Variants in KRT81 observed in about 807,000 individuals in gnomAD.
The protein encoded by KRT81 is keratin, type II cuticular Hb1.
Under a neutral mutation model 35.8 loss-of-function variants are expected in KRT81, and 35 were observed. The observed-to-expected ratio is 0.98, with a 90% confidence interval of 0.75 to 1.30. The LOEUF is 1.30. Ranked by LOEUF, KRT81 falls within the 50% of genes most tolerant of loss-of-function variation. The pLI is 0.00. For missense variants in KRT81, 531 were observed against 577.4 expected (o/e 0.92, Z 0.82); for synonymous variants, 249 against 251.2 (o/e 0.99, Z 0.08).
At position 52,288,404 on chromosome 12, in the gene KRT81, G is replaced by A. The variant is rs1163189405; in HGVS notation, c.692C>T (p.Ala231Val). 6.2e-7 allele frequency: 1 copy of A among 1,614,038 alleles called. No individual in the cohort carries two copies. Among genetic ancestry groups the A allele is most frequent in the South Asian group, 1.1e-5 (1 of 91,082 alleles). Reference sequence around the variant, plus strand: ...CAGGAAGTCGATCTCCTGGATCAGGGCCTCCACGTTGGCCTCCAGGTCTGA... The same window carrying A: ...CAGGAAGTCGATCTCCTGGATCAGGACCTCCACGTTGGCCTCCAGGTCTGA... The part of the protein sequence containing the change: ...RKSDLEANVE[A>V]LIQEIDFLRR... The change falls in exon 4 of 9, where the codon GCC becomes GTC. Residue 231 changes from alanine to valine, a missense_variant. Ala to Val is a moderately conservative substitution (Grantham distance 64). Coordinates refer to ENST00000327741, the MANE Select transcript of KRT81 (RefSeq NM_002281.4).
Position 52,286,476 on chromosome 12 carries a change from C to T in KRT81, c.1297G>A (p.Gly433Ser). The T allele has an allele frequency of 6.4e-7, 1 of 1,552,460 alleles. No homozygotes were observed. The highest frequency in any genetic ancestry group is 8.7e-7 in the Non-Finnish European group (1 of 1,147,778). ...CAGAGGTCCCCGCACACGACCCCGC[C>T]CCGGGAGCTGCTGACACCTGTGAAC... Reference protein sequence around the residue: ...AVNVCVSSSRGGVVCGDLCVS... With the variant: ...AVNVCVSSSRSGVVCGDLCVS... The change falls in exon 9 of 9, where the codon GGC becomes AGC. Residue 433 changes from glycine to serine, a missense_variant. By Grantham distance (56) the Gly-to-Ser change is moderately conservative. Coordinates refer to ENST00000327741, the MANE Select transcript of KRT81 (RefSeq NM_002281.4).
Position 52,291,496 on chromosome 12 carries a change from C to G in KRT81, c.-31G>C. On this transcript the variant is annotated 5_prime_UTR_variant, in exon 1 of 9. Transcript: ENST00000327741. The stretch of plus-strand genomic sequence containing the variant: ...TCCTGGACGTTTGGGTTGCAGAGGA[C>G]AGGATAGGGGACCTGGAGTCCTGAT... 6.2e-7 allele frequency: 1 copy of G among 1,611,380 alleles called. No individual in the cohort carries two copies. The highest frequency in any genetic ancestry group is 8.5e-7 in the Non-Finnish European group (1 of 1,178,862).
chr12:52,288,053 C>A lies in KRT81; in HGVS notation c.831G>T (p.Glu277Asp). ...RDLNMDCIIA[E>D]IKAQYDDIVT... ...CAATGTCGTCATACTGTGCCTTAATCTCGGCAATGATGCAGTCCATGTTCA... is the reference window on the plus strand; with the variant it reads ...CAATGTCGTCATACTGTGCCTTAATATCGGCAATGATGCAGTCCATGTTCA... Residue 277 changes from glutamate to aspartate, a missense_variant, in exon 5 of 9, where the codon GAG (glutamate) becomes GAT (aspartate). Physicochemically the swap from Glu to Asp is conservative, Grantham distance 45 (BLOSUM62 2). Transcript: ENST00000327741. 1 of 1,614,226 alleles carries A rather than the reference C, an allele frequency of 6.2e-7. No individual in the cohort carries two copies. Among genetic ancestry groups the A allele is most frequent in the Non-Finnish European group, 8.5e-7 (1 of 1,180,038 alleles).
In KRT81 at chr12:52,287,010, C is replaced by T. The variant is rs570237300; in HGVS notation, c.1247+92G>A. On this transcript the variant is annotated intron_variant, in intron 7 of 8. Transcript: ENST00000327741. Reference sequence around the variant, plus strand: ...AGTGAATAATAATATTTTTTTCCCCCAGAGCCCTGGCCATTGCTCAGCCAA... The same window carrying T: ...AGTGAATAATAATATTTTTTTCCCCTAGAGCCCTGGCCATTGCTCAGCCAA... 3.2e-4 allele frequency: 517 copies of T among 1,606,914 alleles called. 2 individuals are homozygous for T. In the African/African-American group the frequency reaches 5.9e-3, roughly 18 times the overall value.
intron 4 of KRT81, 30 bp from the exon 5 acceptor site, chr12:52,288,178 T>C: frequency 1.2e-6 from 2 of 1,612,184 alleles, no homozygotes; most frequent in Non-Finnish European, 1.7e-6. Flanking sequence ...TGACTTTAGT[T>C]GAGAATACAG....
Position 52,288,039 on chromosome 12 carries a change from T to C in KRT81, c.845A>G (p.Tyr282Cys). 1 of 1,614,226 alleles carries C rather than the reference T, an allele frequency of 6.2e-7. No homozygotes were observed. Among genetic ancestry groups the C allele is most frequent in the Non-Finnish European group, 8.5e-7 (1 of 1,180,042 alleles). The stretch of plus-strand genomic sequence containing the variant: ...CCGGCTGCGGGTGACAATGTCGTCA[T>C]ACTGTGCCTTAATCTCGGCAATGAT... ...DCIIAEIKAQ[Y>C]DDIVTRSRAE... Residue 282 changes from tyrosine to cysteine, a missense_variant, in exon 5 of 9, where the codon TAT becomes TGT. This residue lies in a region of KRT81 where 194 missense variants were observed against 198.2 expected (regional missense o/e 0.98). Coordinates refer to ENST00000327741, the MANE Select transcript of KRT81 (RefSeq NM_002281.4).
chr12:52,291,374 G>A lies in KRT81; in HGVS notation c.92C>T (p.Pro31Leu), dbSNP rs773246999. ...RPGRCCITAA[P>L]YRGISCYRGL... is the part of the protein sequence containing the mutation. ...GCGGTAGCAGGAGATGCCACGGTAG[G>A]GGGCGGCGGTGATGCAGCAGCGGCC... The change falls in exon 1 of 9, where the codon CCC becomes CTC. Residue 31 changes from proline (P) to leucine (L), a missense_variant. This residue lies in a region of KRT81 where 133 missense variants were observed against 125.9 expected (regional missense o/e 1.06). Coordinates refer to ENST00000327741, the MANE Select transcript of KRT81 (RefSeq NM_002281.4). 6.2e-6 allele frequency: 10 copies of A among 1,603,612 alleles called. No individual in the cohort carries two copies. Among genetic ancestry groups the A allele is most frequent in the Non-Finnish European group, 8.5e-6 (10 of 1,175,758 alleles).
rs747982135 is a variant in KRT81 at position 52,287,992 on chromosome 12, G to A, written c.892C>T (p.Arg298Cys). The change falls in exon 5 of 9, where the codon CGC becomes TGC. Residue 298 changes from arginine (R) to cysteine (C), a missense_variant. Physicochemically the swap from Arg to Cys is radical, Grantham distance 180 (BLOSUM62 -3). This residue lies in a region of KRT81 where 194 missense variants were observed against 198.2 expected (regional missense o/e 0.98). Coordinates refer to ENST00000327741, the MANE Select transcript of KRT81 (RefSeq NM_002281.4). ...RSRAEAESWY[R>C]SKCEEMKATV... is the part of the protein sequence containing the mutation. ...TGTCCTGTGCCACTCACCTTGCTGCGGTACCAGGACTCGGCCTCGGCCCGG... is the reference window on the plus strand; with the variant it reads ...TGTCCTGTGCCACTCACCTTGCTGCAGTACCAGGACTCGGCCTCGGCCCGG... The A allele has an allele frequency of 4.8e-5, 78 of 1,614,080 alleles. No individual in the cohort carries two copies. Among genetic ancestry groups the A allele is most frequent in the South Asian group, 3.2e-4 (29 of 91,080 alleles).
In KRT81 at chr12:52,286,360, G is replaced by T. The variant is rs373705395; in HGVS notation, c.1413C>A (p.Cys471Ter). Residue 471 changes from cysteine to a stop codon, truncating the protein, a stop_gained, in exon 9 of 9, where the codon TGC becomes TGA. Transcript: ENST00000327741. LOFTEE classifies it low-confidence loss of function (END_TRUNC). ...CTCCGCAGGTGGTGTTCAATTGGCC[G>T]CAGGGCGCACACAGGCCGGTGCTCA... ...VAVSTGLCAP[C>*]GQLNTTCGGG... is the part of the protein sequence containing the mutation. 3.9e-6 allele frequency: 6 copies of T among 1,555,050 alleles called. No individual in the cohort carries two copies. The East Asian group carries it at 7.3e-5, about 19-fold the overall frequency.
rs760141400 is a variant in KRT81 at position 52,287,656 on chromosome 12, G to A, written c.966C>T (p.Ile322=). ...GETLRRTKEE[I]NELNRMIQRL... ...TTTGGATCATGCGGTTCAGCTCATT[G>A]ATCTCCTCCTTGGTGCGGCGCAGGG... Residue 322 remains isoleucine, a synonymous_variant, in exon 6 of 9, where the codon ATC becomes ATT. Transcript: ENST00000327741. 1 of 1,613,758 alleles carries A rather than the reference G, an allele frequency of 6.2e-7. No homozygotes were observed. The highest frequency in any genetic ancestry group is 2.2e-5 in the East Asian group (1 of 44,882).
chr12:52,287,585 A>G lies in KRT81; in HGVS notation c.1026+11T>C, dbSNP rs1937989856. ...TCGGTCTCTCTGACCTTGCGCACAG[A>G]TGCCCCATACCTGGCACTTGGCATT... is the stretch of plus-strand genomic sequence containing the variant. On this transcript the variant is annotated intron_variant, in intron 6 of 8. Transcript: ENST00000327741. 1 of 1,613,756 alleles carries G rather than the reference A, an allele frequency of 6.2e-7. No homozygotes were observed. Among genetic ancestry groups the G allele is most frequent in the African/African-American group, 1.3e-5 (1 of 74,874 alleles).
chr12:52,287,024 T>C (rs1937965422), intron 7 of KRT81, 78 bp downstream of exon 7: 1 of 1,610,148 alleles, frequency 6.2e-7, no homozygotes, highest in Non-Finnish European at 8.5e-7. Context: ...GCCCTGGCCA[T>C]TGCTCAGCCA....
intron 7 of KRT81, 134 bp downstream of exon 7, chr12:52,286,968 G>A: frequency 6.4e-7 from 1 of 1,551,906 alleles, no homozygotes; most frequent in South Asian, 1.1e-5. Context: ...TCACACACCA[G>A]CCCTCCCCAC....
chr12:52,288,509 G>A, intron 3 of KRT81, 53 bp from the exon 4 acceptor site: 1 of 1,600,142 alleles, frequency 6.2e-7, no homozygotes, highest in Non-Finnish European at 8.6e-7. Flanking sequence ...CCAGCCCCCA[G>A]ACTCCTCTCT....
At chr12:52,288,597 T>A in intron 3 of KRT81, 141 bp from the exon 4 acceptor site, 1 of 1,054,232 alleles carries the variant, frequency 9.5e-7, no homozygotes. Flanking sequence ...CCTTCTGCCC[T>A]TCCTGGGATG....
In KRT81 at chr12:52,288,361, C is replaced by G; in HGVS notation, c.735G>C (p.Glu245Asp). ...EIDFLRRLYE[E>D]EILILQSHIS... Reference sequence around the variant, plus strand: ...TTCTGTCTGGCCCCTGAGCCCGCACCTCCTCATACAGCCGCCTCAGGAAGT... The same window carrying G: ...TTCTGTCTGGCCCCTGAGCCCGCACGTCCTCATACAGCCGCCTCAGGAAGT... Residue 245 changes from glutamate (E) to aspartate (D), a missense_variant and splice_region_variant, in exon 4 of 9, where the codon GAG becomes GAC. Around this residue, in one of 5 missense-constraint regions of KRT81, gnomAD observed 194 missense variants for 198.2 expected, o/e 0.98. Coordinates refer to ENST00000327741, the MANE Select transcript of KRT81 (RefSeq NM_002281.4). 1 of 1,614,092 alleles carries G rather than the reference C, an allele frequency of 6.2e-7. No individual in the cohort carries two copies. Among genetic ancestry groups the G allele is most frequent in the Non-Finnish European group, 8.5e-7 (1 of 1,179,976 alleles).
chr12:52,288,795 C>T (rs1388277918), intron 3 of KRT81, among the ~76,000 whole-genome samples: 2 of 152,098 alleles, frequency 1.3e-5, no homozygotes, highest in African/African-American at 4.8e-5. Context: ...CTCCAAGAGC[C>T]CAGTGGCTGC....
At position 52,291,367 on chromosome 12, in the gene KRT81, A is replaced by G. The variant is rs748992740; in HGVS notation, c.99T>C (p.Arg33=). The change falls in exon 1 of 9, where the codon CGT becomes CGC. Residue 33 remains arginine (R), a synonymous_variant. Transcript: ENST00000327741. ...GRCCITAAPY[R]GISCYRGLTG... ...TGAGGCCGCGGTAGCAGGAGATGCC[A>G]CGGTAGGGGGCGGCGGTGATGCAGC... 12 of 1,601,056 alleles carry G rather than the reference A, an allele frequency of 7.5e-6. No individual in the cohort carries two copies. The highest frequency in any genetic ancestry group is 3.3e-5 in the South Asian group (3 of 89,894).
In KRT81 at chr12:52,287,107, C is replaced by T. The variant is rs1463427376; in HGVS notation, c.1242G>A (p.Glu414=). The T allele has an allele frequency of 2.5e-6, 4 of 1,612,942 alleles. No homozygotes were observed. Among genetic ancestry groups the T allele is most frequent in the South Asian group, 1.1e-5 (1 of 91,030 alleles). The change falls in exon 7 of 9, where the codon GAG becomes GAA. Residue 414 remains glutamate (E), a synonymous_variant. Coordinates refer to ENST00000327741, the MANE Select transcript of KRT81 (RefSeq NM_002281.4). ...ATYRRLLEGE[E]QRLCEGIGAV... is the part of the protein sequence containing the mutation. ...CCACCCTTGGTTGGACCCACCTCTG[C>T]TCCTCGCCCTCCAGCAGGCGCCTGT...
Sources: allele counts gnomAD v4.1 joint callset (sites outside exome capture counted in the v4.1 genomes callset), GRCh38; gene constraint gnomAD v4.1.1; regional missense constraint gnomAD v4.1.1; transcripts MANE v1.5; gene names NCBI Gene and HGNC (gene_info 2026-07-23, HGNC 2026-07-21).